SYTL3: variants seen among roughly 807,000 people sequenced by gnomAD.
SYTL3 encodes synaptotagmin like 3.
In SYTL3, 88 loss-of-function variants were observed where a neutral mutation model predicts 82.1. The observed-to-expected ratio is 1.07, with a 90% CI of 0.90 to 1.28. SYTL3 has a LOEUF of 1.28. Among genes scored for constraint, SYTL3 ranks in the 50% most tolerant of loss-of-function variants. SYTL3 has a pLI of 0.00. For missense variants in SYTL3, 831 were observed against 757.6 expected (o/e 1.10, Z -1.14); for synonymous variants, 311 against 289.4 (o/e 1.07, Z -0.76).
rs199688801 is a variant in SYTL3, at chr6:158,745,666, G to GTT, written c.1034+15_1034+16dup. 37 of 1,565,296 alleles carry GTT rather than the reference G, an allele frequency of 2.4e-5. No individual in the cohort carries two copies. Among genetic ancestry groups the GTT allele is most frequent in the East Asian group, 2.3e-4 (10 of 43,688 alleles). On this transcript the variant is annotated intron_variant, in intron 12 of 17. Coordinates refer to ENST00000611299, the MANE Select transcript of SYTL3 (RefSeq NM_001242394.2). ...GAAGAAAAAGTGCAATCCGTAAGTT[G>GTT]TTTTTTTTAAGTTTAACATGAGACA... is the stretch of plus-strand genomic sequence containing the variant.
intron 12 of SYTL3, among the ~76,000 whole-genome samples, chr6:158,751,383 C>T (rs1050157164): frequency 6.6e-6 from 1 of 152,160 alleles, no homozygotes; most frequent in South Asian, 2.1e-4. Context: ...GCCTGGATTT[C>T]AGGGGCTGGG....
chr6:158,757,186 G>T, intron 13 of SYTL3, 25 bp from the exon 14 acceptor site: 2 of 1,600,322 alleles, frequency 1.2e-6, no homozygotes, highest in South Asian at 2.2e-5. Context: ...GAGCCCAGCT[G>T]ACCATCTCTT....
Position 158,663,369 on chromosome 6 carries a change from A to G in SYTL3, c.101A>G (p.Glu34Gly). Reference protein sequence around the residue: ...RDQAVQNTEEERTRKLKTHLQ... With the variant: ...RDQAVQNTEEGRTRKLKTHLQ... Reference sequence around the variant, plus strand: ...CAGGCGGTTCAAAACACAGAGGAGGAGAGGACACGGTAGGCTGCCCTTCCC... The same window carrying G: ...CAGGCGGTTCAAAACACAGAGGAGGGGAGGACACGGTAGGCTGCCCTTCCC... The change falls in exon 4 of 18, where the codon GAG (glutamate) becomes GGG (glycine). Residue 34 changes from glutamate (E) to glycine (G), a missense_variant. By Grantham distance (98) the Glu-to-Gly change is moderately conservative. Transcript: ENST00000611299. 1.9e-6 allele frequency: 3 copies of G among 1,613,438 alleles called. No individual in the cohort carries two copies. In the South Asian group the frequency reaches 3.3e-5, roughly 18 times the overall value.
chr6:158,729,234 A>G (rs1259060111), intron 11 of SYTL3, among the ~76,000 whole-genome samples: 1 of 152,124 alleles, frequency 6.6e-6, no homozygotes, highest in African/African-American at 2.4e-5. Flanking sequence ...ATAGAAATTT[A>G]TTTTTCATGG....
intron 5 of SYTL3, among the ~76,000 whole-genome samples, chr6:158,682,611 G>A (rs1323442995): frequency 6.6e-6 from 1 of 151,824 alleles, no homozygotes; most frequent in African/African-American, 2.4e-5. Flanking sequence ...CGCCTGCCTC[G>A]GCCTCCCAAA....
At chr6:158,759,569 G>C (rs1417240428) in intron 14 of SYTL3, among the ~76,000 whole-genome samples, 2 of 152,208 alleles carry the variant, frequency 1.3e-5, no homozygotes, top group South Asian at 2.1e-4. Flanking sequence ...GTTTTGCTCT[G>C]TCGTCCAGGC....
rs879198068 is a variant in SYTL3, at chr6:158,665,563, G to A, written c.279G>A (p.Val93=). Residue 93 remains valine, a synonymous_variant, in exon 5 of 18, where the codon GTG becomes GTA. Transcript: ENST00000611299. ...ACCGCGTGTGTGCCCAGTGCCGAGT[G>A]TTCCTGAGGGGGACCCATGCCTGGA... The part of the protein sequence containing the change: ...CSHRVCAQCR[V]FLRGTHAWKC... The A allele has an allele frequency of 3.2e-6, 5 of 1,581,400 alleles. No homozygotes were observed. In the South Asian group the frequency reaches 5.8e-5, roughly 18 times the overall value.
At chr6:158,726,823 T>C (rs547224194) in intron 11 of SYTL3, 10 of 156,410 alleles carry the variant, frequency 6.4e-5, no homozygotes, top group Admixed American at 5.8e-4. Context: ...TCTCTTCTGT[T>C]AACATCGTGT....
At chr6:158,687,746 A>ACTGGTTCCCACTGACCCAAT (rs139076072) in intron 6 of SYTL3, among the ~76,000 whole-genome samples, 13,518 of 152,070 alleles carry the variant, frequency 0.089, 1,743 homozygotes, top group African/African-American at 0.29. Context: ...GCAGCTCCTA[A>ACTGGTTCCCACTGACCCAAT]CTGCTTCCCC....
intron 5 of SYTL3, among the ~76,000 whole-genome samples, chr6:158,679,426 T>C (rs540568560): frequency 2.1e-4 from 32 of 151,390 alleles, no homozygotes; most frequent in Admixed American, 7.2e-4. Context: ...ACAAAAGATA[T>C]TGTGGAATAA....
chr6:158,665,736 C>A, intron 5 of SYTL3, 123 bp downstream of exon 5: 1 of 652,172 alleles, frequency 1.5e-6, no homozygotes. Context: ...GTACCGAGTG[C>A]CTGATAGGGA....
intron 6 of SYTL3, among the ~76,000 whole-genome samples, chr6:158,685,323 C>T (rs1305349967): frequency 1.3e-5 from 2 of 151,534 alleles, no homozygotes; most frequent in Non-Finnish European, 2.9e-5. Context: ...AAGGGATTCT[C>T]CTGCCTCAGC....
chr6:158,669,074 G>A (rs569432833), intron 5 of SYTL3, among the ~76,000 whole-genome samples: 2 of 152,226 alleles, frequency 1.3e-5, no homozygotes, highest in East Asian at 1.9e-4. Context: ...GTTTCTTCCC[G>A]GGGAATGTAT....
intron 16 of SYTL3, 79 bp downstream of exon 16, chr6:158,762,257 T>A: frequency 1.0e-6 from 1 of 1,002,418 alleles, no homozygotes. Context: ...CAGCGAACAC[T>A]AAAAAACGTA....
intron 2 of SYTL3, among the ~76,000 whole-genome samples, chr6:158,658,134 C>T (rs1055577521): frequency 3.3e-5 from 5 of 152,168 alleles, no homozygotes; most frequent in Admixed American, 1.3e-4. Flanking sequence ...CCTCGTGATC[C>T]GCCTGCCTCA....
At chr6:158,682,217 G>A (rs1778772350) in intron 5 of SYTL3, among the ~76,000 whole-genome samples, 1 of 152,152 alleles carries the variant, frequency 6.6e-6, no homozygotes, top group Non-Finnish European at 1.5e-5. Flanking sequence ...GGGATTACAG[G>A]CGTGAGCCAC....
chr6:158,725,531 C>A lies in SYTL3; in HGVS notation c.749C>A (p.Pro250His). The A allele has an allele frequency of 6.2e-7, 1 of 1,614,128 alleles. No individual in the cohort carries two copies. The highest frequency in any genetic ancestry group is 8.5e-7 in the Non-Finnish European group (1 of 1,180,016). Residue 250 changes from proline (P) to histidine (H), a missense_variant, in exon 11 of 18, where the codon CCT (proline) becomes CAT (histidine). Coordinates refer to ENST00000611299, the MANE Select transcript of SYTL3 (RefSeq NM_001242394.2). Reference sequence around the variant, plus strand: ...GTCAGTGCACCAGATATTCTGAAACCTCTCAATCAAGAGGATCCCAAATGC... The same window carrying A: ...GTCAGTGCACCAGATATTCTGAAACATCTCAATCAAGAGGATCCCAAATGC... ...RKVSAPDILK[P>H]LNQEDPKCST...
At chr6:158,731,238 C>T (rs1458047313) in intron 11 of SYTL3, among the ~76,000 whole-genome samples, 1 of 149,736 alleles carries the variant, frequency 6.7e-6, no homozygotes, top group Admixed American at 6.6e-5. Flanking sequence ...GAGCCGAGAT[C>T]ACACTATTGT....
In SYTL3 at chr6:158,725,399, T is replaced by C; in HGVS notation, c.721-104T>C. ...GTGTCCTCCTACTCAGAAGTTTGCATGTTAGTAACATCAAGTCATAGATGC... is the reference window on the plus strand; with the variant it reads ...GTGTCCTCCTACTCAGAAGTTTGCACGTTAGTAACATCAAGTCATAGATGC... On this transcript the variant is annotated intron_variant, in intron 10 of 17. Transcript: ENST00000611299. The C allele has an allele frequency of 1.8e-5, 24 of 1,320,436 alleles. 2 individuals are homozygous for C. The South Asian group carries it at 3.1e-4, about 17-fold the overall frequency. 81.8% of individuals were successfully genotyped at this position (1,320,436 alleles called of 1,614,324 possible). A position where few individuals can be genotyped will look rare whatever the true frequency, so the allele number is the denominator to read the frequency against.
Sources: gnomAD v4.1 joint callset for allele counts (sites outside exome capture counted in the v4.1 genomes callset) on GRCh38, gnomAD v4.1.1 for gene constraint, MANE v1.5 for transcripts, NCBI Gene and HGNC (gene_info 2026-07-23, HGNC 2026-07-21) for gene names.